Variants in GRB14 observed in about 807,000 individuals in gnomAD.
The protein encoded by GRB14 is growth factor receptor bound protein 14.
A neutral mutation model predicts 69.1 loss-of-function variants in GRB14; 38 were observed. The ratio of observed to expected loss-of-function variants is 0.55; its 90% confidence interval spans 0.42 to 0.72. The LOEUF (loss-of-function observed/expected upper bound fraction) is 0.72, where lower values mean the gene tolerates loss of function less well. Among genes scored for constraint, GRB14 ranks in the 30% least tolerant of loss-of-function variants. GRB14 has a pLI of 0.00. For missense variants in GRB14, 666 were observed against 666.1 expected (o/e 1.00, Z 0.00); for synonymous variants, 247 against 241.3 (o/e 1.02, Z -0.22).
chr2:164,545,686 A>G (rs945986590), intron 3 of GRB14, among the ~76,000 whole-genome samples: 1 of 152,190 alleles, frequency 6.6e-6, no homozygotes, highest in Non-Finnish European at 1.5e-5. Context: ...ACCACAGGAA[A>G]CTAATAAGGA....
chr2:164,550,454 A>G (rs1000915890), intron 2 of GRB14, among the ~76,000 whole-genome samples: 3 of 152,238 alleles, frequency 2.0e-5, no homozygotes, highest in African/African-American at 7.2e-5. Flanking sequence ...TTAAAATGAT[A>G]TATCAATTCT....
chr2:164,501,411 A>T (rs974572165), intron 9 of GRB14, among the ~76,000 whole-genome samples: 14 of 152,110 alleles, frequency 9.2e-5, no homozygotes, highest in African/African-American at 2.7e-4. Context: ...AATGTAGATT[A>T]AAAAAATGCA....
At chr2:164,587,194 G>A (rs947252743) in intron 2 of GRB14, among the ~76,000 whole-genome samples, 1 of 152,050 alleles carries the variant, frequency 6.6e-6, no homozygotes, top group African/African-American at 2.4e-5. Flanking sequence ...AATCAGACTG[G>A]CAAAAAAACT....
intron 7 of GRB14, 93 bp downstream of exon 7, chr2:164,508,649 G>A: frequency 7.0e-7 from 1 of 1,419,530 alleles, no homozygotes; most frequent in Non-Finnish European, 9.8e-7. Flanking sequence ...ATAAGAGAAA[G>A]CTGTCTCTTT....
chr2:164,515,425 G>A (rs571253524), intron 6 of GRB14, among the ~76,000 whole-genome samples: 12 of 152,234 alleles, frequency 7.9e-5, no homozygotes, highest in African/African-American at 2.2e-4. Flanking sequence ...CCCAGGGCCC[G>A]GGAGCTCCAC....
In GRB14 at chr2:164,621,339, G is replaced by A; in HGVS notation, c.-30C>T. Reference sequence around the variant, plus strand: ...GCCGGCCGGGGGGCTCGGGCGTCATGGGAGACTCGGCGCGTGGGGAGAAGG... The same window carrying A: ...GCCGGCCGGGGGGCTCGGGCGTCATAGGAGACTCGGCGCGTGGGGAGAAGG... On this transcript the variant is annotated 5_prime_UTR_variant, in exon 1 of 14. Coordinates refer to ENST00000263915, the MANE Select transcript of GRB14 (RefSeq NM_004490.3). The surrounding 1 kb of genome is among the most constrained non-coding windows in gnomAD (Gnocchi z 6.0). The A allele has an allele frequency of 1.6e-6, 2 of 1,274,944 alleles. No homozygotes were observed. The highest frequency in any genetic ancestry group is 2.0e-6 in the Non-Finnish European group (2 of 1,010,322). 79.0% of individuals were successfully genotyped at this position (1,274,944 alleles called of 1,614,324 possible).
At chr2:164,609,938 A>G (rs1690127911) in intron 2 of GRB14, among the ~76,000 whole-genome samples, 1 of 152,330 alleles carries the variant, frequency 6.6e-6, no homozygotes, top group South Asian at 2.1e-4. Flanking sequence ...GGCTTAAGAC[A>G]TTAAAAAGGA....
At chr2:164,518,573 A>G (rs1211496571) in intron 6 of GRB14, among the ~76,000 whole-genome samples, 1 of 152,124 alleles carries the variant, frequency 6.6e-6, no homozygotes, top group Non-Finnish European at 1.5e-5. Flanking sequence ...AGATAAATGA[A>G]ACAAAAGCTG....
In GRB14 at chr2:164,521,964, G is replaced by A; in HGVS notation, c.816+16C>T. ...TAATATGTCAGTCATAACACATCAT[G>A]GATACTTCAATTTACCTTTGATGTT... On this transcript the variant is annotated intron_variant, in intron 6 of 13. Coordinates refer to ENST00000263915, the MANE Select transcript of GRB14 (RefSeq NM_004490.3). 1 of 1,585,816 alleles carries A rather than the reference G, an allele frequency of 6.3e-7. No homozygotes were observed. Among genetic ancestry groups the A allele is most frequent in the Admixed American group, 1.7e-5 (1 of 57,712 alleles).
intron 2 of GRB14, among the ~76,000 whole-genome samples, chr2:164,573,553 A>C (rs1187144276): frequency 6.6e-6 from 1 of 152,154 alleles, no homozygotes; most frequent in African/African-American, 2.4e-5. Context: ...AATTCTTCAA[A>C]ATTTATACGT....
At chr2:164,601,038 G>A (rs1689902519) in intron 2 of GRB14, among the ~76,000 whole-genome samples, 1 of 151,906 alleles carries the variant, frequency 6.6e-6, no homozygotes, top group Admixed American at 6.6e-5. Context: ...TTGTCCAATT[G>A]TTCTCTAGGC....
chr2:164,613,768 T>C (rs1226946178), intron 2 of GRB14, among the ~76,000 whole-genome samples: 1 of 152,208 alleles, frequency 6.6e-6, no homozygotes, highest in African/African-American at 2.4e-5. Context: ...CCTTTCAGGC[T>C]GGTTCATTTG....
At chr2:164,538,259 G>A (rs978734290) in intron 3 of GRB14, among the ~76,000 whole-genome samples, 3 of 152,154 alleles carry the variant, frequency 2.0e-5, no homozygotes, top group Non-Finnish European at 4.4e-5. Flanking sequence ...GAGTCTGTAG[G>A]TATGCGCTTG....
intron 2 of GRB14, among the ~76,000 whole-genome samples, chr2:164,560,420 T>C (rs1413464460): frequency 2.6e-5 from 4 of 152,264 alleles, no homozygotes; most frequent in Middle Eastern, 3.4e-3. Context: ...TTTGTGCAAA[T>C]AGAGAAAATA....
At chr2:164,517,161 G>T (rs368387328) in intron 6 of GRB14, among the ~76,000 whole-genome samples, 20 of 152,136 alleles carry the variant, frequency 1.3e-4, no homozygotes, top group African/African-American at 4.8e-4. Context: ...AAGGTGAAAG[G>T]CACATCTCAC....
intron 2 of GRB14, among the ~76,000 whole-genome samples, chr2:164,590,756 A>C (rs548969788): frequency 5.3e-5 from 8 of 152,276 alleles, no homozygotes; most frequent in African/African-American, 1.9e-4. Context: ...ACCTTTTTAA[A>C]TTTTCATAAA....
chr2:164,524,978 T>C (rs560749910), intron 5 of GRB14, 26 bp downstream of exon 5: 27 of 1,295,822 alleles, frequency 2.1e-5, no homozygotes, highest in South Asian at 6.6e-5. Flanking sequence ...CTATTATTTA[T>C]ATATGTTAAT....
Position 164,528,227 on chromosome 2 carries a change from C to A in GRB14, c.482-1092G>T, listed in dbSNP as rs374052438. On this transcript the variant is annotated intron_variant, in intron 3 of 13. Coordinates refer to ENST00000263915, the MANE Select transcript of GRB14 (RefSeq NM_004490.3). ...TGTTTCTTGATCTTGGGGTTGGTTA[C>A]TCCAGTATATGTAATATCTGAGAGT... Among the ~76,000 whole-genome samples the A allele has an allele frequency of 3.3e-5, 5 of 152,150 alleles. No homozygotes were observed. The East Asian group carries it at 9.7e-4, about 29-fold the overall frequency.
rs771859305 is a variant in GRB14 at position 164,547,697 on chromosome 2, G to C, written c.444C>G (p.Ser148Arg). 7.4e-6 allele frequency: 12 copies of C among 1,613,734 alleles called. No homozygotes were observed. The East Asian group carries it at 2.2e-4, about 30-fold the overall frequency. The change falls in exon 3 of 14, where the codon AGC becomes AGG. Residue 148 changes from serine to arginine, a missense_variant. By Grantham distance (110) the Ser-to-Arg change is moderately radical. Transcript: ENST00000263915. The part of the protein sequence containing the change: ...ILKNHYIDDH[S>R]WTLFEHLPHI... ...GAGGCAGGTGCTCAAAAAGGGTCCAGCTGTGGTCATCAATGTAATGATTCT... is the reference window on the plus strand; with the variant it reads ...GAGGCAGGTGCTCAAAAAGGGTCCACCTGTGGTCATCAATGTAATGATTCT...
Sources: gnomAD v4.1 joint callset for allele counts (sites outside exome capture counted in the v4.1 genomes callset) on GRCh38, gnomAD v4.1.1 for gene constraint, Gnocchi (gnomAD v3.1) non-coding constraint, MANE v1.5 for transcripts, NCBI Gene and HGNC (gene_info 2026-07-23, HGNC 2026-07-21) for gene names.